The following SORCS1 variants were observed in gnomAD, a reference collection of about 807,000 sequenced individuals.
SORCS1 encodes the protein sortilin related VPS10 domain containing receptor 1, also known as VPS10 domain-containing receptor SorCS1.
Under a neutral mutation model 146.1 loss-of-function variants are expected in SORCS1, and 60 were observed. The observed-to-expected ratio is 0.41, with a 90% confidence interval of 0.33 to 0.51. SORCS1 has a LOEUF of 0.51. Ranked by LOEUF, SORCS1 falls within the 20% of genes least tolerant of loss-of-function variation. The pLI, the probability that SORCS1 is intolerant of heterozygous loss-of-function variation, is 0.21. For missense variants in SORCS1, 1,352 were observed against 1,487.6 expected (o/e 0.91, Z 1.50); for synonymous variants, 637 against 584.0 (o/e 1.09, Z -1.31).
At chr10:107,131,932 C>T (rs1966885391) in intron 1 of SORCS1, among the ~76,000 whole-genome samples, 2 of 152,130 alleles carry the variant, frequency 1.3e-5, no homozygotes, top group African/African-American at 4.8e-5. Context: ...TGCCCTTAGC[C>T]TCCGTCCAAC....
chr10:107,142,474 T>C (rs1967931932), intron 1 of SORCS1, among the ~76,000 whole-genome samples: 1 of 152,260 alleles, frequency 6.6e-6, no homozygotes, highest in African/African-American at 2.4e-5. Flanking sequence ...GGCATAGTGA[T>C]GAAGAAAGTA....
At chr10:106,755,298 T>C (rs564541048) in intron 5 of SORCS1, among the ~76,000 whole-genome samples, 32 of 152,346 alleles carry the variant, frequency 2.1e-4, no homozygotes, top group South Asian at 1.9e-3. Flanking sequence ...AAGTCTTGAA[T>C]TTGAACTGAT....
chr10:106,676,985 C>A (rs1852076725), intron 13 of SORCS1, among the ~76,000 whole-genome samples: 1 of 152,140 alleles, frequency 6.6e-6, no homozygotes, highest in African/African-American at 2.4e-5. Flanking sequence ...CTCTTCTTTA[C>A]CCTTCCCTAA....
At chr10:106,845,931 C>T (rs1949300132) in intron 2 of SORCS1, among the ~76,000 whole-genome samples, 1 of 124,000 alleles carries the variant, frequency 8.1e-6, no homozygotes, top group Admixed American at 8.6e-5. Context: ...TGTTCTGTTC[C>T]ATTGATCTAT....
At chr10:106,765,866 A>G (rs956688098) in intron 4 of SORCS1, among the ~76,000 whole-genome samples, 12 of 152,088 alleles carry the variant, frequency 7.9e-5, no homozygotes, top group African/African-American at 2.9e-4. Flanking sequence ...AATCGGATCA[A>G]CGTATCCTCT....
rs116393880 is a variant in SORCS1, at chr10:106,636,091, A to G, written c.2476-6703T>C. 1.8e-3 allele frequency among the ~76,000 whole-genome samples: 270 copies of G among 152,296 alleles called. 1 individual carries two copies. The highest frequency in any genetic ancestry group is 6.8e-3 in the Middle Eastern group (2 of 294). On this transcript the variant is annotated intron_variant, in intron 18 of 25. Coordinates refer to ENST00000263054, the MANE Select transcript of SORCS1 (RefSeq NM_052918.5). ...GGCATGCGACTTTGTATACAAAGTGAGAGTGCAAGTAAGATTGATCTAGTT... is the reference window on the plus strand; with the variant it reads ...GGCATGCGACTTTGTATACAAAGTGGGAGTGCAAGTAAGATTGATCTAGTT...
At chr10:106,743,031 C>CA (rs924429435) in intron 5 of SORCS1, among the ~76,000 whole-genome samples, 6 of 151,728 alleles carry the variant, frequency 4.0e-5, no homozygotes, top group Non-Finnish European at 8.8e-5. Context: ...AGTGTGATGA[C>CA]AAAAAAAGAA....
chr10:106,945,407 G>A (rs1301246245), intron 2 of SORCS1, among the ~76,000 whole-genome samples: 1 of 152,082 alleles, frequency 6.6e-6, no homozygotes, highest in African/African-American at 2.4e-5. Context: ...TTGTTTGATT[G>A]CTTATTAAGC....
chr10:106,998,412 A>G (rs1957085908), intron 1 of SORCS1, among the ~76,000 whole-genome samples: 1 of 152,212 alleles, frequency 6.6e-6, no homozygotes, highest in South Asian at 2.1e-4. Context: ...TCAATTAAGA[A>G]ACACATTTTG....
chr10:106,609,979 C>T (rs187041399), intron 22 of SORCS1, among the ~76,000 whole-genome samples: 163 of 152,288 alleles, frequency 1.1e-3, no homozygotes, highest in African/African-American at 2.8e-3. Flanking sequence ...CATAAGTCAT[C>T]CTTCTTGGAC....
chr10:107,086,955 G>A lies in SORCS1; in HGVS notation c.558+77014C>T, dbSNP rs565138639. ...GAGGCAGGAGAATGGTGTGAACCTG[G>A]GAGGCGGAGCTTGCAGTGAGCTGAG... On this transcript the variant is annotated intron_variant, in intron 1 of 25. Transcript: ENST00000263054. Among the ~76,000 whole-genome samples the A allele has an allele frequency of 6.6e-5, 10 of 152,336 alleles. No individual in the cohort carries two copies. In the South Asian group the frequency reaches 2.1e-3, roughly 32 times the overall value.
chr10:107,015,598 C>A (rs993801857), intron 1 of SORCS1, among the ~76,000 whole-genome samples: 1 of 152,184 alleles, frequency 6.6e-6, no homozygotes, highest in Non-Finnish European at 1.5e-5. Context: ...TATCCATAGT[C>A]ACAAATAATT....
chr10:106,655,311 A>G (rs1358184508), intron 17 of SORCS1, among the ~76,000 whole-genome samples: 3 of 152,212 alleles, frequency 2.0e-5, no homozygotes, highest in Admixed American at 1.3e-4. Context: ...TAGCAAAAAA[A>G]TGACCAGTGA....
At chr10:107,099,095 A>C (rs550616737) in intron 1 of SORCS1, among the ~76,000 whole-genome samples, 2 of 152,348 alleles carry the variant, frequency 1.3e-5, no homozygotes, top group East Asian at 1.9e-4. Context: ...TATAGTGTTA[A>C]AGGTATTGAC....
At chr10:106,951,649 A>G (rs61867199) in intron 2 of SORCS1, among the ~76,000 whole-genome samples, 25 of 152,196 alleles carry the variant, frequency 1.6e-4, no homozygotes, top group Non-Finnish European at 2.5e-4. Context: ...ACTGTTGAAT[A>G]AATAAAAGAA....
intron 3 of SORCS1, among the ~76,000 whole-genome samples, chr10:106,813,097 C>A (rs925744347): frequency 7.3e-5 from 11 of 150,204 alleles, no homozygotes; most frequent in Admixed American, 1.3e-4. Context: ...GTAGGACAGG[C>A]GCATTTCTTT....
At chr10:107,014,750 T>C (rs991185313) in intron 1 of SORCS1, among the ~76,000 whole-genome samples, 4 of 152,208 alleles carry the variant, frequency 2.6e-5, no homozygotes, top group Non-Finnish European at 4.4e-5. Flanking sequence ...TTTGAAGATA[T>C]TTTACAGAAT....
rs528730791 is a variant in SORCS1 at position 106,895,105 on chromosome 10, T to C, written c.626+61408A>G. Reference sequence around the variant, plus strand: ...CCTACTTCATCTGTCAGATGAGTGCTAAGACCTCACAGTTAGATGATTTCC... The same window carrying C: ...CCTACTTCATCTGTCAGATGAGTGCCAAGACCTCACAGTTAGATGATTTCC... On this transcript the variant is annotated intron_variant, in intron 2 of 25. Transcript: ENST00000263054. Among the ~76,000 whole-genome samples, 8 of 152,304 alleles carry C rather than the reference T, an allele frequency of 5.3e-5. No homozygotes were observed. In the South Asian group the frequency reaches 1.7e-3, roughly 32 times the overall value.
At chr10:106,842,613 T>C (rs544567578) in intron 2 of SORCS1, among the ~76,000 whole-genome samples, 1 of 152,162 alleles carries the variant, frequency 6.6e-6, no homozygotes, top group East Asian at 1.9e-4. Context: ...TAATGTTGAG[T>C]TTTCTCTGTT....
Sources: gnomAD v4.1 joint callset for allele counts (sites outside exome capture counted in the v4.1 genomes callset) on GRCh38, gnomAD v4.1.1 for gene constraint, MANE v1.5 for transcripts, NCBI Gene and HGNC (gene_info 2026-07-23, HGNC 2026-07-21) for gene names.